Variants in SCARA3 observed in about 807,000 individuals in gnomAD.
SCARA3 encodes the protein cellular stress response gene protein.
A neutral mutation model predicts 47.0 loss-of-function variants in SCARA3; 39 were observed. The observed-to-expected ratio is 0.83, with a 90% CI of 0.64 to 1.08. The LOEUF (loss-of-function observed/expected upper bound fraction) is 1.08. Ranked by LOEUF, SCARA3 falls within the 50% of genes least tolerant of loss-of-function variation. SCARA3 has a pLI of 0.00. For missense variants in SCARA3, 724 were observed against 792.3 expected (o/e 0.91, Z 1.04); for synonymous variants, 356 against 334.1 (o/e 1.07, Z -0.71).
At chr8:27,676,597 A>G, downstream of SCARA3, 1 of 1,563,658 alleles carries the variant, frequency 6.4e-7, no homozygotes, top group South Asian at 1.1e-5. Context: ...ATAATCGGAT[A>G]TGATATGAAG....
chr8:27,677,523 G>A (rs1039778856), downstream of SCARA3, among the ~76,000 whole-genome samples: 2 of 152,214 alleles, frequency 1.3e-5, no homozygotes, highest in African/African-American at 4.8e-5. Context: ...GCATTCAGTT[G>A]AGATACCAGA....
chr8:27,648,735 G>A (rs1196063190), intron 1 of SCARA3, among the ~76,000 whole-genome samples: 1 of 151,804 alleles, frequency 6.6e-6, no homozygotes. Flanking sequence ...CATAGCTAAA[G>A]GTGAAAGAAA....
rs1351967302 is a variant in SCARA3, at chr8:27,659,349, C to T, written c.1179C>T (p.Ala393=). 4.3e-5 allele frequency: 70 copies of T among 1,614,028 alleles called. No homozygotes were observed. The highest frequency in any genetic ancestry group is 1.6e-4 in the Middle Eastern group (1 of 6,084). The change falls in exon 5 of 6, where the codon GCC becomes GCT. Residue 393 remains alanine, a synonymous_variant. Transcript: ENST00000301904. Reference sequence around the variant, plus strand: ...GCACGCTGGGCTTCCACACCCATGCCGAGGAGCTCTACTACCTGAACAAGT... The same window carrying T: ...GCACGCTGGGCTTCCACACCCATGCTGAGGAGCTCTACTACCTGAACAAGT... ...LSCTLGFHTH[A]EELYYLNKSV...
downstream of SCARA3, chr8:27,676,552 T>C: frequency 6.2e-7 from 1 of 1,611,348 alleles, no homozygotes; most frequent in African/African-American, 1.3e-5. Flanking sequence ...CATCTCAATG[T>C]GTTTCATCTA....
intron 4 of SCARA3, among the ~76,000 whole-genome samples, chr8:27,658,033 C>T (rs924310664): frequency 2.0e-5 from 3 of 152,266 alleles, no homozygotes; most frequent in South Asian, 2.1e-4. Context: ...TCTTATCTGA[C>T]GCAAATAGAA....
chr8:27,712,428 T>C, the SCARA3 span, among the ~76,000 whole-genome samples: 2 of 150,664 alleles, frequency 1.3e-5, no homozygotes, highest in South Asian at 2.1e-4. Context: ...CCGGGCGTAG[T>C]GGCGGGCGCC....
intron 1 of SCARA3, among the ~76,000 whole-genome samples, chr8:27,647,297 TTC>T (rs1159104353): frequency 6.6e-6 from 1 of 152,320 alleles, no homozygotes; most frequent in South Asian, 2.1e-4. Flanking sequence ...GGAGAAAATG[TTC>T]TCTCTCTGTC....
chr8:27,707,835 T>G, the SCARA3 span, among the ~76,000 whole-genome samples: 25 of 99,256 alleles, frequency 2.5e-4, no homozygotes, highest in Admixed American at 1.2e-3. Context: ...AAAAAAAAAA[T>G]AAGAAGAATG....
At chr8:27,677,644 A>C (rs1387623179), downstream of SCARA3, among the ~76,000 whole-genome samples, 1 of 152,244 alleles carries the variant, frequency 6.6e-6, no homozygotes, top group Non-Finnish European at 1.5e-5. Flanking sequence ...TGATAGAATA[A>C]GTAAACAGAA....
chr8:27,642,411 G>A (rs1223005487), intron 1 of SCARA3, among the ~76,000 whole-genome samples: 1 of 152,200 alleles, frequency 6.6e-6, no homozygotes, highest in South Asian at 2.1e-4. Flanking sequence ...CATTGAAGCG[G>A]ACGATCTCCC....
chr8:27,688,096 G>A, the SCARA3 span, among the ~76,000 whole-genome samples: 1 of 152,090 alleles, frequency 6.6e-6, no homozygotes, highest in African/African-American at 2.4e-5. Flanking sequence ...ATTCTGGACC[G>A]GAATAGTAGG....
Position 27,651,598 on chromosome 8 carries a change from T to C in SCARA3, c.197T>C (p.Leu66Pro). Reference sequence around the variant, plus strand: ...CTTTACCTCTTCCTGGCCCTGCTCCTGGTGGCCGTGGCTGTGTTGGCCTCT... The same window carrying C: ...CTTTACCTCTTCCTGGCCCTGCTCCCGGTGGCCGTGGCTGTGTTGGCCTCT... ...RILYLFLALLLVAVAVLASLV... is the reference protein window; with the variant it reads ...RILYLFLALLPVAVAVLASLV... The change falls in exon 3 of 6, where the codon CTG (leucine) becomes CCG (proline). Residue 66 changes from leucine (L) to proline (P), a missense_variant. Leu to Pro is a moderately conservative substitution (Grantham distance 98). Transcript: ENST00000301904. 5 of 1,614,162 alleles carry C rather than the reference T, an allele frequency of 3.1e-6. No individual in the cohort carries two copies. The East Asian group carries it at 1.1e-4, about 36-fold the overall frequency.
chr8:27,670,047 G>C (rs559529505), intron 5 of SCARA3, among the ~76,000 whole-genome samples: 2 of 152,072 alleles, frequency 1.3e-5, no homozygotes. Context: ...CCCTGTCCTC[G>C]GCACTAGACA....
Position 27,671,621 on chromosome 8 carries a change from CAT to C in SCARA3, c.*272_*273del, listed in dbSNP as rs1802162082. ...ATGCACACATACACATGCATGCACA[CAT>C]ACACAGGCATACATGCATGCACACA... On this transcript the variant is annotated 3_prime_UTR_variant, in exon 6 of 6. Coordinates refer to ENST00000301904, the MANE Select transcript of SCARA3 (RefSeq NM_016240.3). The C allele has an allele frequency of 1.7e-6, 2 of 1,176,030 alleles. No homozygotes were observed. Among genetic ancestry groups the C allele is most frequent in the South Asian group, 4.2e-5 (1 of 23,896 alleles). 72.8% of individuals were successfully genotyped at this position (1,176,030 alleles called of 1,614,324 possible).
At chr8:27,641,310 G>T (rs962050120) in intron 1 of SCARA3, among the ~76,000 whole-genome samples, 1 of 152,246 alleles carries the variant, frequency 6.6e-6, no homozygotes, top group African/African-American at 2.4e-5. Flanking sequence ...GGTTTGAAGT[G>T]TAGGCATCTG....
Position 27,671,642 on chromosome 8 carries a change from G to GCA in SCARA3, c.*300_*301dup, listed in dbSNP as rs1022823430. ...CACACATACACAGGCATACATGCAT[G>GCA]CACACACACATGCACGCACACACAC... On this transcript the variant is annotated 3_prime_UTR_variant, in exon 6 of 6. Coordinates refer to ENST00000301904, the MANE Select transcript of SCARA3 (RefSeq NM_016240.3). The GCA allele has an allele frequency of 8.9e-7, 1 of 1,127,140 alleles. No homozygotes were observed. The highest frequency in any genetic ancestry group is 1.1e-6 in the Non-Finnish European group (1 of 916,090). 69.8% of individuals were successfully genotyped at this position (1,127,140 alleles called of 1,614,324 possible).
rs183503510 is a variant in SCARA3 at position 27,647,645 on chromosome 8, A to T, written c.8-2057A>T. Among the ~76,000 whole-genome samples, 283 of 152,302 alleles carry T rather than the reference A, an allele frequency of 1.9e-3. 1 individual carries two copies. Among genetic ancestry groups the T allele is most frequent in the Middle Eastern group, 6.8e-3 (2 of 294 alleles). On this transcript the variant is annotated intron_variant, in intron 1 of 5. Transcript: ENST00000301904. The stretch of plus-strand genomic sequence containing the variant: ...GCTGGGGAAGAGAGCTGCCGCATGG[A>T]CAGGAGAGGAGCATTCTCCTAGGGA...
chr8:27,647,382 T>C (rs2128917250), intron 1 of SCARA3, among the ~76,000 whole-genome samples: 1 of 152,298 alleles, frequency 6.6e-6, no homozygotes, highest in Middle Eastern at 3.4e-3. Context: ...ACCCCAGGTC[T>C]CCTTTGTCGC....
chr8:27,685,676 A>C, the SCARA3 span, among the ~76,000 whole-genome samples: 4 of 152,204 alleles, frequency 2.6e-5, no homozygotes, highest in African/African-American at 4.8e-5. Flanking sequence ...AGAGAACCAG[A>C]CATGACCTGC....
Sources: allele counts gnomAD v4.1 joint callset (sites outside exome capture counted in the v4.1 genomes callset), GRCh38; gene constraint gnomAD v4.1.1; transcripts MANE v1.5; gene names NCBI Gene and HGNC (gene_info 2026-07-23, HGNC 2026-07-21).